The following FSTL4 variants were observed in gnomAD, a reference collection of about 807,000 sequenced individuals.
The protein encoded by FSTL4 is follistatin-related protein 4.
In FSTL4, 28 loss-of-function variants were observed where a neutral mutation model predicts 78.2. The ratio of observed to expected loss-of-function variants is 0.36; its 90% CI spans 0.27 to 0.49. FSTL4 has a LOEUF of 0.49. FSTL4 is among the 20% of genes least tolerant of loss of function. The pLI, the probability that FSTL4 is intolerant of heterozygous loss-of-function variation, is 0.98. For missense variants in FSTL4, 922 were observed against 1,084.9 expected (o/e 0.85, Z 2.11); for synonymous variants, 422 against 440.5 (o/e 0.96, Z 0.53).
chr5:133,744,104 A>G, the FSTL4 span, among the ~76,000 whole-genome samples: 1 of 152,180 alleles, frequency 6.6e-6, no homozygotes, highest in Admixed American at 6.5e-5. Context: ...TTTTTTATTC[A>G]CTGAACCAGC....
At chr5:133,553,644 T>G (rs950171939) in intron 3 of FSTL4, among the ~76,000 whole-genome samples, 2 of 152,220 alleles carry the variant, frequency 1.3e-5, no homozygotes, top group African/African-American at 4.8e-5. Flanking sequence ...GAACTTAGCA[T>G]AGCATATGGC....
the FSTL4 span, among the ~76,000 whole-genome samples, chr5:133,704,812 C>T: frequency 6.6e-6 from 1 of 152,104 alleles, no homozygotes; most frequent in African/African-American, 2.4e-5. Context: ...TATTTTCAGG[C>T]ATGGTGTCAG....
chr5:133,791,792 T>C, the FSTL4 span, among the ~76,000 whole-genome samples: 2 of 152,240 alleles, frequency 1.3e-5, no homozygotes, highest in African/African-American at 2.4e-5. Context: ...TGTGAGGTTT[T>C]GCATCGATGT....
At chr5:133,321,298 C>G (rs1426436407) in intron 4 of FSTL4, among the ~76,000 whole-genome samples, 1 of 152,224 alleles carries the variant, frequency 6.6e-6, no homozygotes, top group Non-Finnish European at 1.5e-5. Context: ...TTAAACATCA[C>G]CTGATGTAAG....
intron 4 of FSTL4, among the ~76,000 whole-genome samples, chr5:133,364,831 G>A (rs1320840746): frequency 6.6e-6 from 1 of 152,070 alleles, no homozygotes; most frequent in African/African-American, 2.4e-5. Context: ...AATATATTCT[G>A]TGTATGCTGT....
intron 14 of FSTL4, among the ~76,000 whole-genome samples, chr5:133,203,297 C>T (rs1045411281): frequency 6.6e-5 from 10 of 152,192 alleles, no homozygotes; most frequent in African/African-American, 2.4e-4. Flanking sequence ...TGAGGCTTGG[C>T]CTGCAGGGTG....
the FSTL4 span, among the ~76,000 whole-genome samples, chr5:133,742,593 C>G: frequency 4.6e-3 from 698 of 152,050 alleles, 2 homozygotes; most frequent in African/African-American, 0.016. Context: ...TACCTGTTAT[C>G]CCTCAACCAT....
intron 4 of FSTL4, among the ~76,000 whole-genome samples, chr5:133,355,217 T>G (rs545492406): frequency 6.6e-6 from 1 of 152,310 alleles, no homozygotes; most frequent in East Asian, 1.9e-4. Context: ...GACACTTGAG[T>G]GCTCTCCTCA....
chr5:133,613,226 CT>C (rs1302299569), upstream of FSTL4, among the ~76,000 whole-genome samples: 3 of 152,232 alleles, frequency 2.0e-5, no homozygotes, highest in Non-Finnish European at 4.4e-5. Context: ...ATCAGTCTTC[CT>C]TCCCGAATGA....
At chr5:133,463,528 T>G (rs752375060) in intron 3 of FSTL4, among the ~76,000 whole-genome samples, 22 of 152,244 alleles carry the variant, frequency 1.4e-4, no homozygotes, top group Non-Finnish European at 2.9e-4. Flanking sequence ...CTTGTACCTG[T>G]GCTTTGTGTT....
the FSTL4 span, among the ~76,000 whole-genome samples, chr5:133,688,399 C>T: frequency 4.6e-5 from 7 of 152,100 alleles, no homozygotes; most frequent in African/African-American, 1.4e-4. Context: ...GGTGACAGAA[C>T]GAGACTCCGT....
At chr5:133,746,991 A>C in the FSTL4 span, among the ~76,000 whole-genome samples, 4 of 152,112 alleles carry the variant, frequency 2.6e-5, no homozygotes, top group African/African-American at 7.2e-5. Context: ...GCTTGGAGGA[A>C]ATGCCCCCAA....
chr5:133,628,625 G>T, the FSTL4 span, among the ~76,000 whole-genome samples: 1 of 152,062 alleles, frequency 6.6e-6, no homozygotes, highest in Non-Finnish European at 1.5e-5. Flanking sequence ...CTCCCTAAGT[G>T]CTGGGGTTAT....
At chr5:133,467,186 GTGTA>G (rs1757731517) in intron 3 of FSTL4, among the ~76,000 whole-genome samples, 1 of 151,310 alleles carries the variant, frequency 6.6e-6, no homozygotes, top group African/African-American at 2.4e-5. Context: ...GGGAGTATGC[GTGTA>G]TGTGAGTATA....
the FSTL4 span, among the ~76,000 whole-genome samples, chr5:133,782,825 A>T: frequency 6.6e-6 from 1 of 152,184 alleles, no homozygotes; most frequent in South Asian, 2.1e-4. Context: ...AATTTGCCTG[A>T]GTTCTCATCC....
At chr5:133,308,128 T>C (rs992593962) in intron 6 of FSTL4, among the ~76,000 whole-genome samples, 1 of 152,158 alleles carries the variant, frequency 6.6e-6, no homozygotes, top group Non-Finnish European at 1.5e-5. Context: ...GCTTTAACTG[T>C]TTTGTGCCCT....
chr5:133,562,883 C>T (rs256332), intron 3 of FSTL4, among the ~76,000 whole-genome samples: 60,534 of 151,952 alleles, frequency 0.4, 12,232 homozygotes, highest in African/African-American at 0.46. Flanking sequence ...AGAAAAGTAC[C>T]GGTTTGAGTA....
intron 13 of FSTL4, among the ~76,000 whole-genome samples, chr5:133,210,544 G>T (rs1349576961): frequency 6.6e-6 from 1 of 151,928 alleles, no homozygotes; most frequent in Non-Finnish European, 1.5e-5. Context: ...CCAGGCTGGA[G>T]TGCAATGATG....
chr5:133,554,494 G>T (rs1315759179), intron 3 of FSTL4, among the ~76,000 whole-genome samples: 1 of 152,164 alleles, frequency 6.6e-6, no homozygotes, highest in Non-Finnish European at 1.5e-5. Context: ...CCTCTCCCAG[G>T]ACTCTCCAAA....
Sources: gnomAD v4.1 joint callset for allele counts (sites outside exome capture counted in the v4.1 genomes callset) on GRCh38, gnomAD v4.1.1 for gene constraint, MANE v1.5 for transcripts, NCBI Gene and HGNC (gene_info 2026-07-23, HGNC 2026-07-21) for gene names.